TBCK: variants seen among roughly 807,000 people sequenced by gnomAD.
The protein encoded by TBCK is TBC domain-containing protein kinase-like protein.
TBCK carries 99 observed loss-of-function variants against 113.4 expected under a neutral mutation model. That is an observed-to-expected ratio of 0.87 (90% CI 0.74 to 1.03). The LOEUF (loss-of-function observed/expected upper bound fraction) is 1.03, where lower values mean the gene tolerates loss of function less well. Ranked by LOEUF, TBCK falls within the 50% of genes least tolerant of loss-of-function variation. The pLI is 0.00. For missense variants in TBCK, 1,045 were observed against 1,061.3 expected (o/e 0.98, Z 0.21); for synonymous variants, 369 against 370.8 (o/e 1.00, Z 0.05).
intron 3 of TBCK, among the ~76,000 whole-genome samples, chr4:106,277,921 A>T (rs1764187004): frequency 6.6e-6 from 1 of 152,228 alleles, no homozygotes; most frequent in African/African-American, 2.4e-5. Context: ...CTATTTAGGA[A>T]TGAAGTGTCC....
intron 23 of TBCK, among the ~76,000 whole-genome samples, chr4:106,134,691 C>G (rs1746359461): frequency 6.6e-6 from 1 of 152,190 alleles, no homozygotes; most frequent in Non-Finnish European, 1.5e-5. Flanking sequence ...CCAGGACAAT[C>G]ATTGTAGAGA....
At chr4:106,116,478 A>G in intron 23 of TBCK, 100 bp from the exon 24 acceptor site, 1 of 947,622 alleles carries the variant, frequency 1.1e-6, no homozygotes, top group East Asian at 2.6e-5. Context: ...TACAGCATAT[A>G]AGAGAAGAGG....
chr4:106,251,755 TG>T, intron 6 of TBCK, 110 bp downstream of exon 6: 1 of 1,007,718 alleles, frequency 9.9e-7, no homozygotes, highest in Middle Eastern at 3.5e-4. Flanking sequence ...TCTCCTCATA[TG>T]TAATTAATTT....
chr4:106,102,099 C>G (rs1741624139), intron 24 of TBCK, among the ~76,000 whole-genome samples: 1 of 152,144 alleles, frequency 6.6e-6, no homozygotes, highest in African/African-American at 2.4e-5. Flanking sequence ...TCAACAAAAA[C>G]TGTTGTTTTG....
At chr4:106,127,514 A>AT (rs1245505944) in intron 23 of TBCK, among the ~76,000 whole-genome samples, 1 of 152,128 alleles carries the variant, frequency 6.6e-6, no homozygotes, top group African/African-American at 2.4e-5. Context: ...ATACAGAAAT[A>AT]TTTAAAAAAT....
At chr4:106,232,874 T>A (rs1759021967) in intron 17 of TBCK, 64 bp downstream of exon 17, 5 of 1,495,174 alleles carry the variant, frequency 3.3e-6, no homozygotes, top group Non-Finnish European at 2.7e-6. Context: ...TTAATTTTTT[T>A]AAATGTCAGT....
At chr4:106,309,443 G>C (rs1767941339) in intron 1 of TBCK, among the ~76,000 whole-genome samples, 1 of 150,662 alleles carries the variant, frequency 6.6e-6, no homozygotes, top group South Asian at 2.1e-4. Flanking sequence ...CTCCCGAGTA[G>C]AGGCACCCAC....
chr4:106,096,498 A>G (rs1002814472), intron 24 of TBCK, among the ~76,000 whole-genome samples: 2 of 152,066 alleles, frequency 1.3e-5, no homozygotes, highest in African/African-American at 4.8e-5. Context: ...TCCTTTTTTT[A>G]GTGTGTTTAG....
At chr4:106,266,146 G>A (rs1221679258) in intron 3 of TBCK, among the ~76,000 whole-genome samples, 1 of 151,508 alleles carries the variant, frequency 6.6e-6, no homozygotes, top group Admixed American at 6.6e-5. Context: ...TAGTTATAGA[G>A]GCAAAGATTT....
Position 106,235,285 on chromosome 4 carries a change from G to T in TBCK, c.1433C>A (p.Ala478Asp). 1 of 1,603,386 alleles carries T rather than the reference G, an allele frequency of 6.2e-7. No individual in the cohort carries two copies. Among genetic ancestry groups the T allele is most frequent in the Non-Finnish European group, 8.5e-7 (1 of 1,175,728 alleles). Reference sequence around the variant, plus strand: ...TTTCCTTACCTCAACTCCCAGAAGAGCAGCCCAGGTTAAACCTCTCATAAG... The same window carrying T: ...TTTCCTTACCTCAACTCCCAGAAGATCAGCCCAGGTTAAACCTCTCATAAG... Reference protein sequence around the residue: ...PPLMRGLTWAALLGVEGAIHA... With the variant: ...PPLMRGLTWADLLGVEGAIHA... The change falls in exon 15 of 26, where the codon GCT (alanine) becomes GAT (aspartate). Residue 478 changes from alanine to aspartate, a missense_variant. Transcript: ENST00000394708.
At chr4:106,085,271 AAAAAC>A (rs140682905) in intron 25 of TBCK, among the ~76,000 whole-genome samples, 8,073 of 150,084 alleles carry the variant, frequency 0.054, 724 homozygotes, top group African/African-American at 0.18. Flanking sequence ...AAATGGAAAG[AAAAAC>A]AAAACAAAAC....
Position 106,046,408 on chromosome 4 carries a change from T to C in TBCK, c.*162A>G. The C allele has an allele frequency of 4.0e-6, 2 of 504,916 alleles. No individual in the cohort carries two copies. Among genetic ancestry groups the C allele is most frequent in the Non-Finnish European group, 7.0e-6 (2 of 284,330 alleles). 31.3% of individuals were successfully genotyped at this position (504,916 alleles called of 1,614,324 possible). A position where few individuals can be genotyped will look rare whatever the true frequency, so the allele number is the denominator to read the frequency against. On this transcript the variant is annotated 3_prime_UTR_variant, in exon 26 of 26. Coordinates refer to ENST00000394708, the MANE Select transcript of TBCK (RefSeq NM_001163435.3). The stretch of plus-strand genomic sequence containing the variant: ...GAGTCAAGTTTCTTGCATGGATAAC[T>C]GAACATGTGGGTTATGAGATTTTAA...
intron 3 of TBCK, among the ~76,000 whole-genome samples, chr4:106,287,931 T>A (rs994544048): frequency 1.3e-5 from 2 of 152,144 alleles, no homozygotes; most frequent in Non-Finnish European, 2.9e-5. Flanking sequence ...ATTGTTGTTT[T>A]AAGCCACAAA....
intron 23 of TBCK, among the ~76,000 whole-genome samples, chr4:106,153,422 T>A (rs1442485077): frequency 6.6e-6 from 1 of 152,136 alleles, no homozygotes; most frequent in Non-Finnish European, 1.5e-5. Context: ...ATGCTTGATA[T>A]TATTTCGATT....
chr4:106,204,927 G>A (rs1176204911), intron 20 of TBCK, among the ~76,000 whole-genome samples: 1 of 150,762 alleles, frequency 6.6e-6, no homozygotes, highest in Non-Finnish European at 1.5e-5. Context: ...CACCGCGCCC[G>A]GCTAATTTTT....
At chr4:106,306,236 A>ATTTT (rs60417567) in intron 2 of TBCK, among the ~76,000 whole-genome samples, 10 of 97,324 alleles carry the variant, frequency 1.0e-4, no homozygotes, top group Non-Finnish European at 1.2e-4. Context: ...TGCCTGGCTA[A>ATTTT]TTTTTTTTTT....
rs899604374 is a variant in TBCK, at chr4:106,235,438, A to C, written c.1351-71T>G. 18 of 970,414 alleles carry C rather than the reference A, an allele frequency of 1.9e-5. No individual in the cohort carries two copies. The African/African-American group carries it at 2.5e-4, about 14-fold the overall frequency. The allele number at this position is 970,414 out of a possible 1,614,324, so 60.1% of individuals were successfully genotyped here. A position where few individuals can be genotyped will look rare whatever the true frequency, so the allele number is the denominator to read the frequency against. Reference sequence around the variant, plus strand: ...CCATCTTTTAGTCTAGACAGTTCTGAATATACCCATGATAAAACTTAAGTG... The same window carrying C: ...CCATCTTTTAGTCTAGACAGTTCTGCATATACCCATGATAAAACTTAAGTG... On this transcript the variant is annotated intron_variant, in intron 14 of 25. Coordinates refer to ENST00000394708, the MANE Select transcript of TBCK (RefSeq NM_001163435.3).
intron 1 of TBCK, among the ~76,000 whole-genome samples, chr4:106,311,371 A>G (rs1419447125): frequency 1.3e-5 from 2 of 152,146 alleles, no homozygotes; most frequent in Admixed American, 6.5e-5. Context: ...TCACCTGTAT[A>G]CATAATGAAA....
At chr4:106,255,026 CA>C (rs1761835222) in intron 5 of TBCK, 2 of 340,908 alleles carry the variant, frequency 5.9e-6, no homozygotes, top group South Asian at 2.3e-5. Context: ...ACTATCTTGC[CA>C]AGTATCTTCT....
Sources: gnomAD v4.1 joint callset for allele counts (sites outside exome capture counted in the v4.1 genomes callset) on GRCh38, gnomAD v4.1.1 for gene constraint, MANE v1.5 for transcripts, NCBI Gene and HGNC (gene_info 2026-07-23, HGNC 2026-07-21) for gene names.